TNPO1: variants seen among roughly 807,000 people sequenced by gnomAD.
TNPO1 encodes transportin-1.
Under a neutral mutation model 119.5 loss-of-function variants are expected in TNPO1, and 8 were observed. That is an observed-to-expected ratio of 0.07 (90% CI 0.04 to 0.12). The LOEUF (loss-of-function observed/expected upper bound fraction) is 0.12, where lower values mean the gene tolerates loss of function less well. TNPO1 is among the 10% of genes least tolerant of loss of function. The probability of loss-of-function intolerance (pLI) is 1.00; values close to 1 mark genes in which losing one functional copy is unlikely to be tolerated. For missense variants in TNPO1, 576 were observed against 1,089.8 expected (o/e 0.53, Z 6.64); for synonymous variants, 362 against 363.0 (o/e 1.00, Z 0.03).
At chr5:72,848,320 C>G in intron 1 of TNPO1, 65 bp from the exon 2 acceptor site, 7 of 1,506,598 alleles carry the variant, frequency 4.6e-6, no homozygotes, top group Non-Finnish European at 6.2e-6. Context: ...CGCGGGAAGC[C>G]TCTGGGCCTG....
At position 72,909,138 on chromosome 5, in the gene TNPO1, T is replaced by C. The variant is rs1444077480; in HGVS notation, c.*465T>C. 1 of 155,100 alleles carries C rather than the reference T, an allele frequency of 6.4e-6. No homozygotes were observed. Among genetic ancestry groups the C allele is most frequent in the Non-Finnish European group, 1.4e-5 (1 of 69,912 alleles). 9.6% of individuals were successfully genotyped at this position (155,100 alleles called of 1,614,324 possible). The stretch of plus-strand genomic sequence containing the variant: ...AAAGAAGCTTTTTTTTTTTTTTTAA[T>C]TTAAAGTTTTTTTATGTAAGTTTTC... On this transcript the variant is annotated 3_prime_UTR_variant, in exon 25 of 25. Coordinates refer to ENST00000337273, the MANE Select transcript of TNPO1 (RefSeq NM_002270.4).
intron 1 of TNPO1, chr5:72,848,168 G>A: frequency 8.2e-7 from 1 of 1,217,296 alleles, no homozygotes; most frequent in Middle Eastern, 2.7e-4. Flanking sequence ...GGCGGCAGCA[G>A]CAGCAGACGC....
intron 1 of TNPO1, among the ~76,000 whole-genome samples, chr5:72,832,815 T>G (rs1454568457): frequency 1.3e-5 from 2 of 152,188 alleles, no homozygotes; most frequent in Non-Finnish European, 2.9e-5. Context: ...GAATGAATTC[T>G]GTTGTCCGTA....
chr5:72,877,921 G>A (rs1747924024), intron 9 of TNPO1, among the ~76,000 whole-genome samples: 1 of 152,142 alleles, frequency 6.6e-6, no homozygotes, highest in Admixed American at 6.5e-5. Context: ...CAGGGGGTTT[G>A]AGAAGGAATT....
At chr5:72,874,229 A>G (rs1747608920) in intron 7 of TNPO1, among the ~76,000 whole-genome samples, 1 of 152,176 alleles carries the variant, frequency 6.6e-6, no homozygotes, top group Non-Finnish European at 1.5e-5. Context: ...AAGTGCCTCT[A>G]ACATATAGTA....
chr5:72,886,419 T>C (rs1580456591), intron 11 of TNPO1, among the ~76,000 whole-genome samples: 1 of 152,298 alleles, frequency 6.6e-6, no homozygotes, highest in South Asian at 2.1e-4. Flanking sequence ...TAACAGTGAT[T>C]GTAATCATGA....
At chr5:72,888,611 G>A in intron 13 of TNPO1, among the ~76,000 whole-genome samples, 1 of 152,028 alleles carries the variant, frequency 6.6e-6, no homozygotes, top group Non-Finnish European at 1.5e-5. Context: ...TTTCTTCTTT[G>A]GCTCATTTTT....
At chr5:72,901,176 G>A in intron 22 of TNPO1, 103 bp downstream of exon 22, 2 of 672,010 alleles carry the variant, frequency 3.0e-6, no homozygotes, top group Non-Finnish European at 4.7e-6. Context: ...ATTTTCAAAG[G>A]TATCAAAATA....
intron 6 of TNPO1, among the ~76,000 whole-genome samples, chr5:72,868,966 C>T (rs1452792372): frequency 6.6e-5 from 10 of 152,076 alleles, no homozygotes; most frequent in African/African-American, 2.4e-4. Context: ...CGAGATCGTG[C>T]CATTGCAACT....
Position 72,872,733 on chromosome 5 carries a change from C to T in TNPO1, c.678+13C>T. On this transcript the variant is annotated intron_variant, in intron 7 of 24. Coordinates refer to ENST00000337273, the MANE Select transcript of TNPO1 (RefSeq NM_002270.4). ...TTCTTTTATTGAGGTAAGACTTGTT[C>T]TTGTCTCCCTCCCAACCCCCCAGCT... 2 of 1,561,330 alleles carry T rather than the reference C, an allele frequency of 1.3e-6. No homozygotes were observed. Among genetic ancestry groups the T allele is most frequent in the Non-Finnish European group, 8.7e-7 (1 of 1,151,926 alleles).
At chr5:72,872,780 G>A (rs1747501745) in intron 7 of TNPO1, 60 bp downstream of exon 7, 9 of 1,042,574 alleles carry the variant, frequency 8.6e-6, no homozygotes, top group Non-Finnish European at 1.3e-5. Flanking sequence ...AGAAGGTTAG[G>A]TGATGCTAAC....
In TNPO1 at chr5:72,834,795, G is replaced by A. The variant is rs189466336; in HGVS notation, c.16-13590G>A. The stretch of plus-strand genomic sequence containing the variant: ...CCGCTTACTCTCTGACTCACCCAGG[G>A]CAACTTCTAGTCCTATAAGCTCCAT... On this transcript the variant is annotated intron_variant, in intron 1 of 24. Coordinates refer to ENST00000337273, the MANE Select transcript of TNPO1 (RefSeq NM_002270.4). Among the ~76,000 whole-genome samples, 416 of 152,250 alleles carry A rather than the reference G, an allele frequency of 2.7e-3. 2 individuals are homozygous for A. Among genetic ancestry groups the A allele is most frequent in the Non-Finnish European group, 4.9e-3 (331 of 68,006 alleles).
rs1233264979 is a variant in TNPO1, at chr5:72,913,015, G to T, written c.*4342G>T. 1 of 152,482 alleles carries T rather than the reference G, an allele frequency of 6.6e-6. No individual in the cohort carries two copies. Among genetic ancestry groups the T allele is most frequent in the East Asian group, 1.9e-4 (1 of 5,196 alleles). 9.4% of individuals were successfully genotyped at this position (152,482 alleles called of 1,614,324 possible). On this transcript the variant is annotated 3_prime_UTR_variant, in exon 25 of 25. Transcript: ENST00000337273. The stretch of plus-strand genomic sequence containing the variant: ...GAGGGGAAACTAACTTGCTACTAGT[G>T]TTGTTAATGAAGTATAGGCCTTGGA...
intron 1 of TNPO1, among the ~76,000 whole-genome samples, chr5:72,822,939 A>G (rs1580357251): frequency 7.5e-6 from 1 of 134,068 alleles, no homozygotes; most frequent in Non-Finnish European, 1.6e-5. Context: ...TTTTGGAGAC[A>G]CAGTCTAGCT....
At chr5:72,831,571 A>G (rs1435984551) in intron 1 of TNPO1, among the ~76,000 whole-genome samples, 3 of 152,026 alleles carry the variant, frequency 2.0e-5, no homozygotes, top group Non-Finnish European at 2.9e-5. Context: ...TGTATACACA[A>G]GGTATCAGAA....
chr5:72,896,995 A>T, intron 19 of TNPO1, 61 bp from the exon 20 acceptor site: 1 of 982,470 alleles, frequency 1.0e-6, no homozygotes, highest in Non-Finnish European at 1.5e-6. Context: ...AATATTTCAC[A>T]TTGATATTTT....
At chr5:72,877,946 A>G (rs1442876248) in intron 9 of TNPO1, among the ~76,000 whole-genome samples, 1 of 152,194 alleles carries the variant, frequency 6.6e-6, no homozygotes, top group Non-Finnish European at 1.5e-5. Context: ...TTAATAATAT[A>G]TAATACATTA....
rs557196971 is a variant in TNPO1, at chr5:72,877,940, T to G, written c.920+594T>G. On this transcript the variant is annotated intron_variant, in intron 9 of 24. Coordinates refer to ENST00000337273, the MANE Select transcript of TNPO1 (RefSeq NM_002270.4). ...GGGTTTGAGAAGGAATTTGATTTAATAATATATAATACATTAACATGACAT... is the reference window on the plus strand; with the variant it reads ...GGGTTTGAGAAGGAATTTGATTTAAGAATATATAATACATTAACATGACAT... Among the ~76,000 whole-genome samples the G allele has an allele frequency of 5.9e-5, 9 of 152,328 alleles. No homozygotes were observed. In the South Asian group the frequency reaches 1.9e-3, roughly 32 times the overall value.
chr5:72,893,756 A>C, intron 18 of TNPO1, 53 bp downstream of exon 18: 1 of 1,486,308 alleles, frequency 6.7e-7, no homozygotes, highest in South Asian at 1.2e-5. Flanking sequence ...TAACATTTAC[A>C]TCAGCTTTGT....
Sources: gnomAD v4.1 joint callset for allele counts (sites outside exome capture counted in the v4.1 genomes callset) on GRCh38, gnomAD v4.1.1 for gene constraint, MANE v1.5 for transcripts, NCBI Gene and HGNC (gene_info 2026-07-23, HGNC 2026-07-21) for gene names.